GPR149: variants seen among roughly 807,000 people sequenced by gnomAD.
GPR149 encodes G protein-coupled receptor 149, also known as probable G protein-coupled receptor 149.
GPR149 carries 50 observed loss-of-function variants against 50.2 expected under a neutral mutation model. That is an observed-to-expected ratio of 1.00 (90% CI 0.79 to 1.26). The LOEUF (loss-of-function observed/expected upper bound fraction) is 1.26. GPR149 is among the 50% of genes most tolerant of loss of function. The probability of loss-of-function intolerance (pLI) is 0.00; values close to 1 mark genes in which losing one functional copy is unlikely to be tolerated. For synonymous variants in GPR149, 405 were observed against 358.2 expected (o/e 1.13, Z -1.48); for missense variants, 983 against 895.4 (o/e 1.10, Z -1.25).
intron 3 of GPR149, among the ~76,000 whole-genome samples, chr3:154,384,754 G>A (rs1447145732): frequency 6.6e-6 from 1 of 152,180 alleles, no homozygotes; most frequent in East Asian, 1.9e-4. Context: ...CAAAGTTCTG[G>A]GGTTTTTGTG....
At chr3:154,375,088 C>T (rs1312540292) in intron 3 of GPR149, among the ~76,000 whole-genome samples, 1 of 152,174 alleles carries the variant, frequency 6.6e-6, no homozygotes, top group Non-Finnish European at 1.5e-5. Context: ...CCAAGAGCCA[C>T]TTTTTAATAT....
chr3:154,339,095 G>A (rs960252034), intron 3 of GPR149, among the ~76,000 whole-genome samples: 1 of 152,130 alleles, frequency 6.6e-6, no homozygotes, highest in African/African-American at 2.4e-5. Context: ...TTTTGATTAT[G>A]TGTTAGTCCC....
At chr3:154,344,908 A>G (rs1049840906) in intron 3 of GPR149, among the ~76,000 whole-genome samples, 1 of 152,256 alleles carries the variant, frequency 6.6e-6, no homozygotes, top group African/African-American at 2.4e-5. Context: ...TTGGGAAACT[A>G]ATTCAATTTT....
At chr3:154,353,696 C>A in intron 3 of GPR149, 1 of 1,226,496 alleles carries the variant, frequency 8.2e-7, no homozygotes, top group Non-Finnish European at 1.2e-6. Flanking sequence ...AAACAAGTAC[C>A]TTTGTTGAGC....
chr3:154,351,313 CAAAAAAAAAAAAAAAAAAAA>C (rs71155003), intron 3 of GPR149, among the ~76,000 whole-genome samples: 6 of 75,570 alleles, frequency 7.9e-5, no homozygotes, highest in Non-Finnish European at 1.2e-4. Flanking sequence ...CATCCACATA[CAAAAAAAAAAAAAAAAAAAA>C]AAAAAAAAAA....
chr3:154,362,023 A>G (rs1021796102), intron 3 of GPR149, among the ~76,000 whole-genome samples: 4 of 152,186 alleles, frequency 2.6e-5, no homozygotes, highest in African/African-American at 9.7e-5. Context: ...ATATAGCCAG[A>G]TCTGAGAACT....
At chr3:154,370,316 G>C (rs1488921440) in intron 3 of GPR149, among the ~76,000 whole-genome samples, 1 of 152,128 alleles carries the variant, frequency 6.6e-6, no homozygotes, top group Non-Finnish European at 1.5e-5. Flanking sequence ...AGAGGAACAG[G>C]CCAAAAGGGA....
At chr3:154,358,835 C>A (rs1714312536) in intron 3 of GPR149, among the ~76,000 whole-genome samples, 1 of 152,126 alleles carries the variant, frequency 6.6e-6, no homozygotes, top group Non-Finnish European at 1.5e-5. Context: ...TGGTCATATA[C>A]AGGGATGTGC....
At chr3:154,351,564 G>C (rs1446754868) in intron 3 of GPR149, among the ~76,000 whole-genome samples, 1 of 152,092 alleles carries the variant, frequency 6.6e-6, no homozygotes, top group South Asian at 2.1e-4. Flanking sequence ...AACTTGTTTT[G>C]TGCAAATGCA....
At chr3:154,411,533 G>T (rs4381896) in intron 3 of GPR149, among the ~76,000 whole-genome samples, 12 of 152,120 alleles carry the variant, frequency 7.9e-5, no homozygotes, top group Non-Finnish European at 1.8e-4. Flanking sequence ...GATGATACCA[G>T]AGAAATACAG....
chr3:154,414,266 T>C (rs781774632), intron 3 of GPR149, among the ~76,000 whole-genome samples: 20 of 151,806 alleles, frequency 1.3e-4, no homozygotes, highest in Non-Finnish European at 2.8e-4. Flanking sequence ...AAAGGACTTA[T>C]TCATGTAACC....
In GPR149 at chr3:154,426,892, G is replaced by A. The variant is rs996286913; in HGVS notation, c.1174+624C>T. Among the ~76,000 whole-genome samples, 3 of 151,426 alleles carry A rather than the reference G, an allele frequency of 2.0e-5. No individual in the cohort carries two copies. In the East Asian group the frequency reaches 5.9e-4, roughly 30 times the overall value. On this transcript the variant is annotated intron_variant, in intron 2 of 3. Transcript: ENST00000389740. ...AGGGCGTGTGTGTGTGTGTGTGTGT[G>A]TGTGTGTGTGTGTGTGTGTGTGAGA...
At chr3:154,350,311 C>T (rs997074682) in intron 3 of GPR149, among the ~76,000 whole-genome samples, 1 of 152,058 alleles carries the variant, frequency 6.6e-6, no homozygotes, top group African/African-American at 2.4e-5. Flanking sequence ...CCCAAGGAAT[C>T]GACAAAAAAT....
chr3:154,407,029 TA>T (rs905650497), intron 3 of GPR149, among the ~76,000 whole-genome samples: 104 of 152,254 alleles, frequency 6.8e-4, no homozygotes, highest in African/African-American at 2.4e-3. Context: ...TTTCCCCTTA[TA>T]AAACTGTCAG....
intron 3 of GPR149, among the ~76,000 whole-genome samples, chr3:154,391,978 A>C (rs1405305849): frequency 6.6e-6 from 1 of 151,916 alleles, no homozygotes; most frequent in Non-Finnish European, 1.5e-5. Context: ...ACAACTATGA[A>C]TGTATACACA....
chr3:154,352,464 T>A, intron 3 of GPR149: 1 of 802,034 alleles, frequency 1.2e-6, no homozygotes, highest in Non-Finnish European at 2.3e-6. Context: ...AACACCCATA[T>A]TTCCTTTCAG....
chr3:154,386,435 A>G (rs1471902540), intron 3 of GPR149, among the ~76,000 whole-genome samples: 1 of 152,266 alleles, frequency 6.6e-6, no homozygotes, highest in Non-Finnish European at 1.5e-5. Context: ...CTCTGTTGAG[A>G]AACCTGGGTG....
chr3:154,408,796 C>A (rs1471613346), intron 3 of GPR149, among the ~76,000 whole-genome samples: 1 of 152,178 alleles, frequency 6.6e-6, no homozygotes, highest in Non-Finnish European at 1.5e-5. Context: ...AGCTCTATGG[C>A]CCTGCTCACC....
intron 3 of GPR149, among the ~76,000 whole-genome samples, chr3:154,407,476 G>A (rs1245915198): frequency 6.6e-6 from 1 of 151,878 alleles, no homozygotes; most frequent in African/African-American, 2.4e-5. Context: ...AAAAGTAAAC[G>A]TATTTGTGGA....
Sources: gnomAD v4.1 joint callset for allele counts (sites outside exome capture counted in the v4.1 genomes callset) on GRCh38, gnomAD v4.1.1 for gene constraint, MANE v1.5 for transcripts, NCBI Gene and HGNC (gene_info 2026-07-23, HGNC 2026-07-21) for gene names.